The following ROCK2 variants were observed in gnomAD, a reference collection of about 807,000 sequenced individuals.
The protein encoded by ROCK2 is Rho associated coiled-coil containing protein kinase 2.
ROCK2 carries 61 observed loss-of-function variants against 195.1 expected under a neutral mutation model. That is an observed-to-expected ratio of 0.31 (90% CI 0.25 to 0.39). The LOEUF (loss-of-function observed/expected upper bound fraction) is 0.39. ROCK2 is among the 10% of genes least tolerant of loss of function. The pLI is 1.00. For synonymous variants in ROCK2, 504 were observed against 545.5 expected, an observed-to-expected ratio of 0.92 and a Z score of 1.06; for missense variants, 1,109 against 1,637.4, an observed-to-expected ratio of 0.68 and a Z score of 5.57.
intron 3 of ROCK2, among the ~76,000 whole-genome samples, chr2:11,283,190 C>T (rs1405792657): frequency 1.3e-5 from 2 of 151,176 alleles, no homozygotes; most frequent in Non-Finnish European, 2.9e-5. Flanking sequence ...ATCACTGGAA[C>T]TCAGGAGGCG....
At chr2:11,194,104 C>G (rs1227544780) in intron 29 of ROCK2, 152 bp downstream of exon 29, 1 of 457,790 alleles carries the variant, frequency 2.2e-6, no homozygotes, top group Non-Finnish European at 3.9e-6. Flanking sequence ...TTAACTAACC[C>G]TGTATCCCAG....
At chr2:11,208,221 G>T in intron 19 of ROCK2, 66 bp downstream of exon 19, 2 of 993,194 alleles carry the variant, frequency 2.0e-6, no homozygotes, top group Non-Finnish European at 2.6e-6. Flanking sequence ...ACCATCACTA[G>T]ACCTTCATGA....
rs1296549495 is a variant in ROCK2 at position 11,344,369 on chromosome 2, A to G, written c.-233T>C. Reference sequence around the variant, plus strand: ...CCGGCCCTGCCGGGAGCGGCGGGGAACAGACGGCGTCCCCGCCCCTCAGTC... The same window carrying G: ...CCGGCCCTGCCGGGAGCGGCGGGGAGCAGACGGCGTCCCCGCCCCTCAGTC... On this transcript the variant is annotated 5_prime_UTR_variant, in exon 1 of 33. Transcript: ENST00000315872. The surrounding 1 kb of genome is among the most constrained non-coding windows in gnomAD (Gnocchi z 5.4). 5 of 1,155,236 alleles carry G rather than the reference A, an allele frequency of 4.3e-6. No individual in the cohort carries two copies. Among genetic ancestry groups the G allele is most frequent in the Non-Finnish European group, 5.3e-6 (5 of 939,240 alleles). 71.6% of individuals were successfully genotyped at this position (1,155,236 alleles called of 1,614,324 possible). A position where few individuals can be genotyped will look rare whatever the true frequency, so the allele number is the denominator to read the frequency against.
chr2:11,303,318 G>C (rs1667762630), intron 1 of ROCK2, among the ~76,000 whole-genome samples: 1 of 152,120 alleles, frequency 6.6e-6, no homozygotes, highest in Non-Finnish European at 1.5e-5. Context: ...TTCCTCAAGT[G>C]CAGAATTCTT....
chr2:11,331,594 C>T (rs1242322782), intron 1 of ROCK2, among the ~76,000 whole-genome samples: 1 of 148,454 alleles, frequency 6.7e-6, no homozygotes. Context: ...AAAAAAAAGT[C>T]ATGTGCACGT....
In ROCK2 at chr2:11,187,494, G is replaced by A. The variant is rs1463159849; in HGVS notation, c.4164-4054C>T. The stretch of plus-strand genomic sequence containing the variant: ...GGGGGTCTTGGACTACATATCCCTT[G>A]AGATAAAGGGGGACTACTGTAATCA... On this transcript the variant is annotated intron_variant, in intron 32 of 32. Transcript: ENST00000315872. Among the ~76,000 whole-genome samples the A allele has an allele frequency of 3.3e-5, 5 of 152,162 alleles. No individual in the cohort carries two copies. In the East Asian group the frequency reaches 7.7e-4, roughly 23 times the overall value.
chr2:11,273,359 A>G (rs1029689721), intron 3 of ROCK2, among the ~76,000 whole-genome samples: 4 of 152,184 alleles, frequency 2.6e-5, no homozygotes, highest in Non-Finnish European at 5.9e-5. Context: ...GGCTATACTA[A>G]TATCAGACCA....
intron 3 of ROCK2, among the ~76,000 whole-genome samples, chr2:11,273,306 G>T (rs754726055): frequency 6.6e-6 from 1 of 152,100 alleles, no homozygotes; most frequent in Non-Finnish European, 1.5e-5. Flanking sequence ...CAAACTGATT[G>T]ATAGTGGAAG....
At chr2:11,269,892 A>C (rs1055691881) in intron 3 of ROCK2, among the ~76,000 whole-genome samples, 3 of 152,196 alleles carry the variant, frequency 2.0e-5, no homozygotes, top group Admixed American at 2.0e-4. Context: ...CTGGGACTAC[A>C]GGCACATGCC....
At chr2:11,295,457 T>C (rs2148206754) in intron 1 of ROCK2, among the ~76,000 whole-genome samples, 1 of 152,080 alleles carries the variant, frequency 6.6e-6, no homozygotes, top group Non-Finnish European at 1.5e-5. Flanking sequence ...ATATAACACA[T>C]ACATGCAAGA....
At position 11,219,693 on chromosome 2, in the gene ROCK2, G is replaced by A. The variant is rs547474014; in HGVS notation, c.1260-667C>T. Among the ~76,000 whole-genome samples, 53 of 151,610 alleles carry A rather than the reference G, an allele frequency of 3.5e-4. 1 individual carries two copies. Among genetic ancestry groups the A allele is most frequent in the South Asian group, 1.7e-3 (8 of 4,770 alleles). On this transcript the variant is annotated intron_variant, in intron 9 of 32. Coordinates refer to ENST00000315872, the MANE Select transcript of ROCK2 (RefSeq NM_004850.5). ...TCTGTCACCCAGGCTGGAGTATAGC[G>A]GTACAATCATAGCTCCCTGCAGCCT...
intron 1 of ROCK2, among the ~76,000 whole-genome samples, chr2:11,333,545 T>C (rs1321427085): frequency 2.0e-5 from 3 of 152,128 alleles, no homozygotes; most frequent in Non-Finnish European, 4.4e-5. Flanking sequence ...AAAGAAATAC[T>C]ACAAACATGA....
intron 3 of ROCK2, among the ~76,000 whole-genome samples, chr2:11,267,029 G>T (rs954977097): frequency 5.9e-5 from 9 of 152,010 alleles, no homozygotes; most frequent in African/African-American, 2.2e-4. Flanking sequence ...AAATTGTAAT[G>T]ATCAAATTAA....
intron 1 of ROCK2, among the ~76,000 whole-genome samples, chr2:11,310,961 T>G (rs1388587155): frequency 6.6e-6 from 1 of 151,544 alleles, no homozygotes; most frequent in African/African-American, 2.4e-5. Context: ...GACAACAGTT[T>G]TGTCCTGTCT....
intron 3 of ROCK2, among the ~76,000 whole-genome samples, chr2:11,275,015 G>A (rs1185740884): frequency 6.6e-6 from 1 of 152,190 alleles, no homozygotes; most frequent in African/African-American, 2.4e-5. Flanking sequence ...CCAGCACTTT[G>A]GGAGGCCAAG....
At chr2:11,232,311 T>C (rs1360184793) in intron 5 of ROCK2, among the ~76,000 whole-genome samples, 2 of 152,120 alleles carry the variant, frequency 1.3e-5, no homozygotes. Flanking sequence ...CTGTTTTTAG[T>C]AGAAACGGGG....
intron 4 of ROCK2, among the ~76,000 whole-genome samples, chr2:11,245,878 T>C (rs1218184608): frequency 2.6e-5 from 4 of 152,168 alleles, no homozygotes; most frequent in South Asian, 2.1e-4. Flanking sequence ...TCCCCCAAAA[T>C]TGGTCACCCT....
chr2:11,342,279 A>G (rs1669130647), intron 1 of ROCK2, among the ~76,000 whole-genome samples: 1 of 152,186 alleles, frequency 6.6e-6, no homozygotes, highest in African/African-American at 2.4e-5. Context: ...CCTTAATAAA[A>G]GTGTGTTTTG....
chr2:11,217,300 G>C, intron 11 of ROCK2, 131 bp from the exon 12 acceptor site: 1 of 737,804 alleles, frequency 1.4e-6, no homozygotes. Flanking sequence ...TACAGTATTT[G>C]TACCTCCTTA....
Sources: allele counts gnomAD v4.1 joint callset (sites outside exome capture counted in the v4.1 genomes callset), GRCh38; gene constraint gnomAD v4.1.1; non-coding constraint Gnocchi (gnomAD v3.1); transcripts MANE v1.5; gene names NCBI Gene and HGNC (gene_info 2026-07-23, HGNC 2026-07-21).